The following PCDHGB3 variants were observed in gnomAD, a reference collection of about 807,000 sequenced individuals.
The protein encoded by PCDHGB3 is protocadherin gamma-B3.
In PCDHGB3, 40 loss-of-function variants were observed where a neutral mutation model predicts 59.2. The observed-to-expected ratio is 0.68, with a 90% CI of 0.52 to 0.88. PCDHGB3 has a LOEUF of 0.88. Among genes scored for constraint, PCDHGB3 ranks in the 40% least tolerant of loss-of-function variants. The pLI, the probability that PCDHGB3 is intolerant of heterozygous loss-of-function variation, is 0.00. For missense variants in PCDHGB3, 1,309 were observed against 1,187.9 expected, an observed-to-expected ratio of 1.10 and a Z score of -1.50; for synonymous variants, 581 against 503.6, an observed-to-expected ratio of 1.15 and a Z score of -2.06.
rs1301352900 is a variant in PCDHGB3, at chr5:141,491,765, A to T, written c.2416-3042A>T. ...GGCACTGGAGAAGCCGCCCGTCCTC[A>T]TAAGGGATTGAACTTGCATCCACTC... On this transcript the variant is annotated intron_variant, in intron 1 of 3. Transcript: ENST00000576222. The surrounding 1 kb of genome is among the most constrained non-coding windows in gnomAD (Gnocchi z 6.9). 1.3e-6 allele frequency: 2 copies of T among 1,569,228 alleles called. No individual in the cohort carries two copies. Among genetic ancestry groups the T allele is most frequent in the Non-Finnish European group, 1.7e-6 (2 of 1,158,736 alleles).
intron 1 of PCDHGB3, among the ~76,000 whole-genome samples, chr5:141,450,572 T>C (rs1276283357): frequency 6.6e-6 from 1 of 151,710 alleles, no homozygotes; most frequent in Non-Finnish European, 1.5e-5. Context: ...CTGCAACTTC[T>C]GCCTCCCAGG....
At position 141,473,628 on chromosome 5, in the gene PCDHGB3, A is replaced by T. The variant is rs533175704; in HGVS notation, c.2416-21179A>T. The stretch of plus-strand genomic sequence containing the variant: ...AAAGCAAAGGGAGGGAGGAAAAAGC[A>T]GCTTTCCTGGCAAAGGAACAATTTG... On this transcript the variant is annotated intron_variant, in intron 1 of 3. Transcript: ENST00000576222. 4.6e-5 allele frequency among the ~76,000 whole-genome samples: 7 copies of T among 152,334 alleles called. No individual in the cohort carries two copies. In the South Asian group the frequency reaches 1.4e-3, roughly 32 times the overall value.
At position 141,477,112 on chromosome 5, in the gene PCDHGB3, A is replaced by C. The variant is rs745449028; in HGVS notation, c.2416-17695A>C. The C allele has an allele frequency of 2.5e-6, 4 of 1,614,262 alleles. No homozygotes were observed. The South Asian group carries it at 4.4e-5, about 18-fold the overall frequency. Reference sequence around the variant, plus strand: ...CCAAAGACAAGGGCGCCAATCCCGAAGGAGCACATTGCAAAGTGTTGGTGG... The same window carrying C: ...CCAAAGACAAGGGCGCCAATCCCGACGGAGCACATTGCAAAGTGTTGGTGG... On this transcript the variant is annotated intron_variant, in intron 1 of 3. Transcript: ENST00000576222. This position sits in a 1 kb window ranked among gnomAD's most constrained non-coding sequence, Gnocchi z 4.9.
intron 1 of PCDHGB3, chr5:141,377,801 T>C (rs1439596981): frequency 1.3e-5 from 2 of 152,176 alleles, no homozygotes; most frequent in African/African-American, 2.4e-5. Context: ...CCTGTAACTA[T>C]CTGTTATTTA....
intron 1 of PCDHGB3, among the ~76,000 whole-genome samples, chr5:141,451,403 G>A (rs2154563571): frequency 6.6e-6 from 1 of 152,288 alleles, no homozygotes; most frequent in South Asian, 2.1e-4. Context: ...GCAAAATTAA[G>A]TTCCTTGTGG....
chr5:141,502,516 A>G (rs947349505), intron 2 of PCDHGB3, among the ~76,000 whole-genome samples: 1 of 152,146 alleles, frequency 6.6e-6, no homozygotes, highest in African/African-American at 2.4e-5. Flanking sequence ...TCCCACTATC[A>G]GTGATGCCGA....
At chr5:141,419,182 C>T in intron 1 of PCDHGB3, 2 of 1,613,986 alleles carry the variant, frequency 1.2e-6, no homozygotes, top group Non-Finnish European at 1.7e-6. Context: ...TAACCCTGCA[C>T]ATTACTGACG....
chr5:141,453,101 T>TTTCTG (rs1554138035), intron 1 of PCDHGB3, among the ~76,000 whole-genome samples: 1 of 152,012 alleles, frequency 6.6e-6, no homozygotes, highest in Non-Finnish European at 1.5e-5. Context: ...TTCTGTTGCT[T>TTTCTG]TTTTGTTTTG....
At chr5:141,457,750 C>G (rs900052683) in intron 1 of PCDHGB3, among the ~76,000 whole-genome samples, 4 of 152,188 alleles carry the variant, frequency 2.6e-5, no homozygotes, top group African/African-American at 9.6e-5. Flanking sequence ...AAGCTGAGCC[C>G]AGACATGGGT....
rs778246278 is a variant in PCDHGB3 at position 141,491,522 on chromosome 5, A to C, written c.2416-3285A>C. The C allele has an allele frequency of 6.2e-6, 10 of 1,614,024 alleles. No individual in the cohort carries two copies. The highest frequency in any genetic ancestry group is 8.5e-6 in the Non-Finnish European group (10 of 1,180,002). ...TCGGACGGCACGCTCAAGTACATGGAGGTGACGCTGCGGCCCACAGACTCG... is the reference window on the plus strand; with the variant it reads ...TCGGACGGCACGCTCAAGTACATGGCGGTGACGCTGCGGCCCACAGACTCG... On this transcript the variant is annotated intron_variant, in intron 1 of 3. Coordinates refer to ENST00000576222, the MANE Select transcript of PCDHGB3 (RefSeq NM_018924.5). The surrounding 1 kb of genome is among the most constrained non-coding windows in gnomAD (Gnocchi z 6.9).
At position 141,372,434 on chromosome 5, in the gene PCDHGB3, T is replaced by A. The variant is rs767132959; in HGVS notation, c.2040T>A (p.Thr680=). The A allele has an allele frequency of 1.7e-5, 27 of 1,613,890 alleles. No homozygotes were observed. Among genetic ancestry groups the A allele is most frequent in the Non-Finnish European group, 2.0e-5 (24 of 1,179,884 alleles). ...EIQPDLSDRP[T]PSDPQAELQF... ...AACCTGACCTTAGCGACCGCCCCAC[T>A]CCCTCTGACCCTCAGGCGGAGCTAC... Residue 680 remains threonine, a synonymous_variant, in exon 1 of 4, where the codon ACT becomes ACA. Coordinates refer to ENST00000576222, the MANE Select transcript of PCDHGB3 (RefSeq NM_018924.5).
At chr5:141,387,473 G>C (rs1032850562) in intron 1 of PCDHGB3, among the ~76,000 whole-genome samples, 2 of 152,190 alleles carry the variant, frequency 1.3e-5, no homozygotes. Context: ...CCTCAAAGTT[G>C]GGATGAAGGC....
chr5:141,382,871 G>T (rs764156663), intron 1 of PCDHGB3: 3 of 1,520,506 alleles, frequency 2.0e-6, no homozygotes, highest in East Asian at 2.3e-5. Flanking sequence ...TCCCGAGATC[G>T]GCGCCTAAGC....
chr5:141,389,726 C>G (rs150721796), intron 1 of PCDHGB3: 2 of 1,612,720 alleles, frequency 1.2e-6, no homozygotes, highest in Non-Finnish European at 1.7e-6. Flanking sequence ...AGCCCGGGCT[C>G]TTCAGCCTGG....
rs371245499 is a variant in PCDHGB3 at position 141,399,811 on chromosome 5, G to T, written c.2415+27002G>T. 1.0e-4 allele frequency: 169 copies of T among 1,613,100 alleles called. No homozygotes were observed. The highest frequency in any genetic ancestry group is 1.4e-4 in the Non-Finnish European group (163 of 1,179,762). ...CAACGCACCGCGGGTGCTGTACCCC[G>T]CGCTGGGTCCCGACGGCTCTGCGCT... On this transcript the variant is annotated intron_variant, in intron 1 of 3. Coordinates refer to ENST00000576222, the MANE Select transcript of PCDHGB3 (RefSeq NM_018924.5).
intron 1 of PCDHGB3, among the ~76,000 whole-genome samples, chr5:141,420,624 CTCAA>C (rs1561789527): frequency 1.3e-5 from 2 of 152,278 alleles, no homozygotes; most frequent in Admixed American, 1.3e-4. Context: ...TCTTCATTTA[CTCAA>C]TAAAGGAACC....
chr5:141,395,080 A>G, intron 1 of PCDHGB3: 1 of 1,614,088 alleles, frequency 6.2e-7, no homozygotes, highest in Non-Finnish European at 8.5e-7. Flanking sequence ...TATTCCCAGG[A>G]AGTCTCCCTC....
chr5:141,449,842 A>G (rs893220311), intron 1 of PCDHGB3, among the ~76,000 whole-genome samples: 4 of 151,700 alleles, frequency 2.6e-5, no homozygotes, highest in Non-Finnish European at 4.4e-5. Flanking sequence ...TTATATAATT[A>G]AATTTTAATA....
intron 2 of PCDHGB3, among the ~76,000 whole-genome samples, chr5:141,502,865 T>C (rs538731947): frequency 3.0e-5 from 4 of 131,428 alleles, no homozygotes; most frequent in Non-Finnish European, 6.3e-5. Context: ...TGACTCTCTG[T>C]CTTTTTTTTT....
Sources: allele counts gnomAD v4.1 joint callset (sites outside exome capture counted in the v4.1 genomes callset), GRCh38; gene constraint gnomAD v4.1.1; non-coding constraint Gnocchi (gnomAD v3.1); transcripts MANE v1.5; gene names NCBI Gene and HGNC (gene_info 2026-07-23, HGNC 2026-07-21).